P4HA2: variants seen among roughly 807,000 people sequenced by gnomAD.
The protein encoded by P4HA2 is prolyl 4-hydroxylase subunit alpha 2.
In P4HA2, 46 loss-of-function variants were observed where a neutral mutation model predicts 76.9. The observed-to-expected ratio is 0.60, with a 90% confidence interval of 0.47 to 0.76. The LOEUF is 0.76. Among genes scored for constraint, P4HA2 ranks in the 30% least tolerant of loss-of-function variants. The pLI, the probability that P4HA2 is intolerant of heterozygous loss-of-function variation, is 0.00. For synonymous variants in P4HA2, 243 were observed against 254.0 expected (o/e 0.96, Z 0.41); for missense variants, 583 against 669.4 (o/e 0.87, Z 1.42).
At chr5:132,224,241 AC>A (rs368389456) in intron 1 of P4HA2, among the ~76,000 whole-genome samples, 138 of 152,336 alleles carry the variant, frequency 9.1e-4, no homozygotes, top group African/African-American at 3.1e-3. Context: ...TAAGAGTTAA[AC>A]CCCAATTCTA....
At chr5:132,214,126 A>G in intron 4 of P4HA2, 73 bp from the exon 5 acceptor site, 1 of 1,467,400 alleles carries the variant, frequency 6.8e-7, no homozygotes. Context: ...CCAGAGAGGC[A>G]GCCACAAAGA....
chr5:132,214,414 G>C (rs1287354411), intron 4 of P4HA2, among the ~76,000 whole-genome samples: 1 of 152,082 alleles, frequency 6.6e-6, no homozygotes, highest in African/African-American at 2.4e-5. Flanking sequence ...AAGAGCACGG[G>C]AGAGGACTCA....
intron 10 of P4HA2, chr5:132,200,340 G>T (rs1039811366): frequency 2.6e-5 from 4 of 153,104 alleles, no homozygotes; most frequent in Non-Finnish European, 5.9e-5. Context: ...TACAAAGCAT[G>T]GATGAAAACA....
At position 132,192,622 on chromosome 5, in the gene P4HA2, G is replaced by T. The variant is rs202116185; in HGVS notation, c.*388C>A. The T allele has an allele frequency of 2.4e-5, 4 of 165,440 alleles. No individual in the cohort carries two copies. The highest frequency in any genetic ancestry group is 5.2e-5 in the Non-Finnish European group (4 of 76,376). 10.2% of individuals were successfully genotyped at this position (165,440 alleles called of 1,614,324 possible). ...CCAAGTAAGGCTCTTTAAGGCTTCT[G>T]GTAGGGACATTTTATTTTTTGGTAA... On this transcript the variant is annotated 3_prime_UTR_variant, in exon 15 of 15. Transcript: ENST00000360568.
At chr5:132,223,990 G>A (rs527535466) in intron 1 of P4HA2, among the ~76,000 whole-genome samples, 6 of 152,346 alleles carry the variant, frequency 3.9e-5, no homozygotes, top group African/African-American at 1.2e-4. Context: ...CCCAGGTTAA[G>A]GACTTTATCA....
At chr5:132,220,272 C>G (rs964463854) in intron 1 of P4HA2, among the ~76,000 whole-genome samples, 3 of 152,180 alleles carry the variant, frequency 2.0e-5, no homozygotes, top group Non-Finnish European at 4.4e-5. Flanking sequence ...TTACACAAGC[C>G]CCTTATACCT....
intron 1 of P4HA2, among the ~76,000 whole-genome samples, chr5:132,223,295 C>T (rs1351048481): frequency 1.3e-5 from 2 of 152,242 alleles, no homozygotes; most frequent in Non-Finnish European, 2.9e-5. Flanking sequence ...GACAGTCTCG[C>T]TCTGTCGCCC....
At chr5:132,220,055 A>T (rs1440253776) in intron 1 of P4HA2, among the ~76,000 whole-genome samples, 1 of 152,194 alleles carries the variant, frequency 6.6e-6, no homozygotes, top group Non-Finnish European at 1.5e-5. Flanking sequence ...CCAACCTGGA[A>T]CCTGCTGCAG....
chr5:132,217,911 T>C, intron 2 of P4HA2, 63 bp from the exon 3 acceptor site: 1 of 965,124 alleles, frequency 1.0e-6, no homozygotes, highest in Non-Finnish European at 1.6e-6. Context: ...CCTCCTTCCT[T>C]GGGGCACAGA....
chr5:132,217,597 T>G, intron 3 of P4HA2, 155 bp downstream of exon 3: 1 of 670,722 alleles, frequency 1.5e-6, no homozygotes, highest in South Asian at 1.8e-5. Flanking sequence ...GCCCATGTAC[T>G]TAGCTCCTCT....
intron 5 of P4HA2, 27 bp downstream of exon 5, chr5:132,213,889 C>T (rs1753469536): frequency 6.2e-7 from 1 of 1,611,992 alleles, no homozygotes; most frequent in East Asian, 2.2e-5. Context: ...ACATGCGGGA[C>T]AGGCAACGCC....
chr5:132,214,142 T>G, intron 4 of P4HA2, 89 bp from the exon 5 acceptor site: 1 of 1,364,500 alleles, frequency 7.3e-7, no homozygotes, highest in Admixed American at 2.1e-5. Flanking sequence ...AAAGAGGGTC[T>G]CTGGCTAGTG....
intron 4 of P4HA2, among the ~76,000 whole-genome samples, chr5:132,215,376 T>C (rs1420777517): frequency 2.0e-5 from 3 of 152,010 alleles, no homozygotes; most frequent in African/African-American, 7.2e-5. Context: ...GTGTAGGGTG[T>C]GGAGAACAAG....
In P4HA2 at chr5:132,198,888, G is replaced by A; in HGVS notation, c.1296C>T (p.Asp432=). 1 of 1,611,396 alleles carries A rather than the reference G, an allele frequency of 6.2e-7. No homozygotes were observed. The highest frequency in any genetic ancestry group is 8.5e-7 in the Non-Finnish European group (1 of 1,177,494). The part of the protein sequence containing the change: ...GVGGQYEPHF[D]FSRRPFDSGL... ...GTGATTTAGGCCTTACCCTAGAGAA[G>A]TCGAAGTGCGGTTCATACTGTCCTC... Residue 432 remains aspartate, a synonymous_variant, in exon 11 of 15, where the codon GAC becomes GAT. Transcript: ENST00000360568.
chr5:132,215,332 T>C (rs576906583), intron 4 of P4HA2, among the ~76,000 whole-genome samples: 1 of 152,340 alleles, frequency 6.6e-6, no homozygotes, highest in African/African-American at 2.4e-5. Context: ...CAGGTAATCA[T>C]AAGGTTTTCC....
At chr5:132,215,883 C>T (rs765105077) in intron 4 of P4HA2, among the ~76,000 whole-genome samples, 18 of 132,400 alleles carry the variant, frequency 1.4e-4, no homozygotes, top group Non-Finnish European at 2.4e-4. Flanking sequence ...AAAAAGGCAG[C>T]GGGCATGGTG....
chr5:132,218,188 A>G (rs752780200), intron 2 of P4HA2, among the ~76,000 whole-genome samples: 32 of 152,190 alleles, frequency 2.1e-4, no homozygotes, highest in Non-Finnish European at 4.1e-4. Context: ...CAGGATAAAA[A>G]GCTCTGAACT....
chr5:132,204,988 G>A (rs1372727235), intron 8 of P4HA2, among the ~76,000 whole-genome samples: 1 of 152,246 alleles, frequency 6.6e-6, no homozygotes, highest in Non-Finnish European at 1.5e-5. Context: ...CATGGGTGGG[G>A]CCATAGGCCC....
At chr5:132,193,298 GCAGGTTGC>G (rs1294729449) in intron 14 of P4HA2, 1 of 480,226 alleles carries the variant, frequency 2.1e-6, no homozygotes, top group Non-Finnish European at 3.7e-6. Flanking sequence ...ATACATGTGT[GCAGGTTGC>G]CATGGGAATA....
Sources: gnomAD v4.1 joint callset for allele counts (sites outside exome capture counted in the v4.1 genomes callset) on GRCh38, gnomAD v4.1.1 for gene constraint, MANE v1.5 for transcripts, NCBI Gene and HGNC (gene_info 2026-07-23, HGNC 2026-07-21) for gene names.